CALN1: variants seen among roughly 807,000 people sequenced by gnomAD.
CALN1 encodes the protein calcium-binding protein 8.
Under a neutral mutation model 30.6 loss-of-function variants are expected in CALN1, and 17 were observed. That is an observed-to-expected ratio of 0.56 (90% CI 0.38 to 0.83). The LOEUF is 0.83. CALN1 is among the 40% of genes least tolerant of loss of function. The pLI, the probability that CALN1 is intolerant of heterozygous loss-of-function variation, is 0.00. For synonymous variants in CALN1, 156 were observed against 131.4 expected (o/e 1.19, Z -1.28); for missense variants, 291 against 354.9 (o/e 0.82, Z 1.45).
At chr7:71,827,967 T>C (rs1789030086) in intron 5 of CALN1, among the ~76,000 whole-genome samples, 1 of 152,010 alleles carries the variant, frequency 6.6e-6, no homozygotes, top group South Asian at 2.1e-4. Context: ...CTCTGTGTGC[T>C]GGGGCTGGAA....
chr7:72,030,001 G>A (rs1432353836), intron 4 of CALN1, among the ~76,000 whole-genome samples: 1 of 152,180 alleles, frequency 6.6e-6, no homozygotes, highest in Admixed American at 6.5e-5. Flanking sequence ...TGAGGGACCT[G>A]ATGCAAATGG....
At chr7:72,204,052 C>T (rs562082747) in intron 3 of CALN1, among the ~76,000 whole-genome samples, 3 of 129,848 alleles carry the variant, frequency 2.3e-5, no homozygotes, top group East Asian at 2.5e-4. Context: ...AGTGCAGTGG[C>T]GCAATCTCAG....
chr7:72,431,537 C>A (rs1331312262), intron 1 of CALN1, among the ~76,000 whole-genome samples: 1 of 152,178 alleles, frequency 6.6e-6, no homozygotes, highest in Admixed American at 6.5e-5. Flanking sequence ...CATAGGTAAT[C>A]TAAGCGCTAA....
chr7:72,487,842 AAG>A, the CALN1 span, among the ~76,000 whole-genome samples: 3 of 116,724 alleles, frequency 2.6e-5, no homozygotes, highest in African/African-American at 1.1e-4. Flanking sequence ...GAAAGAGAGA[AAG>A]AAAAAGAAAG....
At chr7:72,135,225 T>G (rs777046431) in intron 3 of CALN1, among the ~76,000 whole-genome samples, 2 of 152,212 alleles carry the variant, frequency 1.3e-5, no homozygotes, top group Non-Finnish European at 2.9e-5. Flanking sequence ...ATGTTGATAT[T>G]TTGGCCTCCT....
At chr7:72,464,812 A>G in the CALN1 span, among the ~76,000 whole-genome samples, 1 of 152,222 alleles carries the variant, frequency 6.6e-6, no homozygotes, top group East Asian at 1.9e-4. Context: ...CTGGGGACAG[A>G]TGCCATCCAT....
chr7:71,929,101 A>G (rs915483717), intron 5 of CALN1, among the ~76,000 whole-genome samples: 3 of 152,162 alleles, frequency 2.0e-5, no homozygotes, highest in Non-Finnish European at 4.4e-5. Context: ...AGCATGTAAC[A>G]GAATTTCATT....
intron 5 of CALN1, among the ~76,000 whole-genome samples, chr7:71,959,702 C>T (rs113539454): frequency 0.011 from 1,659 of 151,890 alleles, 29 homozygotes; most frequent in African/African-American, 0.038. Context: ...TCACCCAGTC[C>T]CAACTCCATC....
At chr7:72,468,206 G>A in the CALN1 span, among the ~76,000 whole-genome samples, 4 of 152,166 alleles carry the variant, frequency 2.6e-5, no homozygotes, top group Non-Finnish European at 5.9e-5. Context: ...TGCTACAAAT[G>A]TTTCTGTACA....
chr7:72,177,563 G>C (rs914173146), intron 3 of CALN1, among the ~76,000 whole-genome samples: 1 of 151,958 alleles, frequency 6.6e-6, no homozygotes, highest in East Asian at 1.9e-4. Flanking sequence ...TCAGGAGTTC[G>C]AGACCAGCCT....
At position 72,337,255 on chromosome 7, in the gene CALN1, C is replaced by T. The variant is rs1050138967; in HGVS notation, c.120-58445G>A. ...CCACACTCCTCGCTCTGCCGGCGCC[C>T]GCGTTCAGGAGCCGGGCTTCTGGGC... On this transcript the variant is annotated intron_variant, in intron 2 of 6. Transcript: ENST00000395275. 6 of 985,022 alleles carry T rather than the reference C, an allele frequency of 6.1e-6. No individual in the cohort carries two copies. In the African/African-American group the frequency reaches 7.0e-5, roughly 11 times the overall value. 61.0% of individuals were successfully genotyped at this position (985,022 alleles called of 1,614,324 possible).
intron 5 of CALN1, among the ~76,000 whole-genome samples, chr7:72,001,357 A>T (rs1799520108): frequency 6.6e-6 from 1 of 152,202 alleles, no homozygotes; most frequent in African/African-American, 2.4e-5. Flanking sequence ...TAAGTGGCAA[A>T]GTGGCAGAGT....
intron 3 of CALN1, among the ~76,000 whole-genome samples, chr7:72,200,967 G>C (rs911885084): frequency 1.4e-4 from 22 of 152,238 alleles, no homozygotes; most frequent in Admixed American, 9.2e-4. Flanking sequence ...CTACCAAAAA[G>C]ACACCTGTTA....
chr7:72,338,807 C>T (rs1802248493), intron 2 of CALN1, among the ~76,000 whole-genome samples: 1 of 152,008 alleles, frequency 6.6e-6, no homozygotes, highest in South Asian at 2.1e-4. Flanking sequence ...GAGTTACAAA[C>T]AGTCCAATTA....
At chr7:72,417,147 T>C (rs1254985774), upstream of CALN1, among the ~76,000 whole-genome samples, 2 of 152,104 alleles carry the variant, frequency 1.3e-5, no homozygotes, top group East Asian at 1.9e-4. Flanking sequence ...CCAAGGATAA[T>C]AAGACAACAA....
At chr7:72,244,961 G>A (rs1795065640) in intron 3 of CALN1, among the ~76,000 whole-genome samples, 1 of 152,060 alleles carries the variant, frequency 6.6e-6, no homozygotes, top group Admixed American at 6.6e-5. Flanking sequence ...TCTAAATCGT[G>A]GTGTGGAGAG....
At chr7:72,324,233 A>G (rs994952111) in intron 2 of CALN1, among the ~76,000 whole-genome samples, 2 of 152,090 alleles carry the variant, frequency 1.3e-5, no homozygotes, top group Non-Finnish European at 2.9e-5. Context: ...AATGTGCAGC[A>G]AAGTTTGAGA....
intron 2 of CALN1, among the ~76,000 whole-genome samples, chr7:72,309,197 A>G (rs546954129): frequency 1.0e-3 from 153 of 152,120 alleles, no homozygotes; most frequent in Non-Finnish European, 1.8e-3. Context: ...CGGGAGGGAG[A>G]CTATTCAGAA....
At chr7:71,983,565 A>C (rs1798511603) in intron 5 of CALN1, among the ~76,000 whole-genome samples, 1 of 151,734 alleles carries the variant, frequency 6.6e-6, no homozygotes, top group Non-Finnish European at 1.5e-5. Flanking sequence ...GAATTTTGCG[A>C]GTGTTGCCGA....
Sources: allele counts gnomAD v4.1 joint callset (sites outside exome capture counted in the v4.1 genomes callset), GRCh38; gene constraint gnomAD v4.1.1; transcripts MANE v1.5; gene names NCBI Gene and HGNC (gene_info 2026-07-23, HGNC 2026-07-21).